PPA2: variants seen among roughly 807,000 people sequenced by gnomAD.
PPA2 encodes inorganic pyrophosphatase 2, mitochondrial.
Under a neutral mutation model 49.5 loss-of-function variants are expected in PPA2, and 48 were observed. The ratio of observed to expected loss-of-function variants is 0.97; its 90% CI spans 0.77 to 1.23. PPA2 has a LOEUF of 1.23. Among genes scored for constraint, PPA2 ranks in the 50% most tolerant of loss-of-function variants. The pLI, the probability that PPA2 is intolerant of heterozygous loss-of-function variation, is 0.00. For missense variants in PPA2, 429 were observed against 410.1 expected, an observed-to-expected ratio of 1.05 and a Z score of -0.40; for synonymous variants, 131 against 139.9, an observed-to-expected ratio of 0.94 and a Z score of 0.45.
intron 9 of PPA2, among the ~76,000 whole-genome samples, chr4:105,387,749 G>A (rs1201754846): frequency 6.7e-6 from 1 of 148,844 alleles, no homozygotes; most frequent in African/African-American, 2.4e-5. Flanking sequence ...TCCTGCACAT[G>A]TACCCCTGAA....
At chr4:105,405,716 C>T (rs1226369170) in intron 7 of PPA2, 6 of 789,934 alleles carry the variant, frequency 7.6e-6, no homozygotes, top group Non-Finnish European at 1.0e-5. Context: ...GGCTAACCTA[C>T]CTAAAATAGA....
At chr4:105,465,540 A>G (rs1723267120) in intron 1 of PPA2, among the ~76,000 whole-genome samples, 1 of 152,130 alleles carries the variant, frequency 6.6e-6, no homozygotes, top group South Asian at 2.1e-4. Flanking sequence ...GCAGAAGCAT[A>G]TCCCTAATAA....
intron 6 of PPA2, among the ~76,000 whole-genome samples, chr4:105,426,026 A>G (rs895495477): frequency 6.6e-6 from 1 of 152,128 alleles, no homozygotes; most frequent in Admixed American, 6.6e-5. Flanking sequence ...TGCAAAGGGG[A>G]AAGGGGGAAC....
intron 7 of PPA2, among the ~76,000 whole-genome samples, chr4:105,418,107 T>G (rs1723092620): frequency 6.6e-6 from 1 of 152,222 alleles, no homozygotes; most frequent in South Asian, 2.1e-4. Context: ...CATATTGCAA[T>G]TGTTTGACAA....
intron 9 of PPA2, among the ~76,000 whole-genome samples, chr4:105,391,267 A>G (rs938156339): frequency 6.6e-6 from 1 of 151,248 alleles, no homozygotes; most frequent in Admixed American, 6.6e-5. Flanking sequence ...TGATGGGTGC[A>G]GCAAACCACC....
intron 10 of PPA2, among the ~76,000 whole-genome samples, chr4:105,385,111 A>G (rs1316388755): frequency 6.6e-6 from 1 of 152,152 alleles, no homozygotes; most frequent in Admixed American, 6.5e-5. Context: ...TTCTTGGCAC[A>G]TATGTCAGCC....
chr4:105,384,225 C>T (rs1205550552), intron 10 of PPA2, among the ~76,000 whole-genome samples: 4 of 152,134 alleles, frequency 2.6e-5, no homozygotes, highest in African/African-American at 9.7e-5. Flanking sequence ...TGAAGAGGCA[C>T]TGGTTTCTCT....
chr4:105,394,557 T>C (rs1262412282), intron 9 of PPA2, among the ~76,000 whole-genome samples: 4 of 152,104 alleles, frequency 2.6e-5, no homozygotes, highest in Non-Finnish European at 4.4e-5. Flanking sequence ...ATAACATATA[T>C]AAATCACTCA....
At chr4:105,394,242 A>T (rs1734040611) in intron 9 of PPA2, among the ~76,000 whole-genome samples, 1 of 151,854 alleles carries the variant, frequency 6.6e-6, no homozygotes, top group South Asian at 2.1e-4. Flanking sequence ...TTTCAGGCTT[A>T]TGTAATCCCA....
At chr4:105,374,779 T>A (rs115986574) in intron 10 of PPA2, among the ~76,000 whole-genome samples, 223 of 152,210 alleles carry the variant, frequency 1.5e-3, no homozygotes, top group Non-Finnish European at 2.8e-3. Flanking sequence ...AAAAAATAGG[T>A]TCCCAATTTT....
intron 4 of PPA2, among the ~76,000 whole-genome samples, chr4:105,448,641 C>T (rs1156877142): frequency 6.7e-6 from 1 of 149,678 alleles, no homozygotes; most frequent in African/African-American, 2.4e-5. Context: ...ATTGAGTTAA[C>T]CAGGAAATGA....
chr4:105,382,705 A>G (rs993262558), intron 10 of PPA2, among the ~76,000 whole-genome samples: 2 of 152,136 alleles, frequency 1.3e-5, no homozygotes, highest in Non-Finnish European at 2.9e-5. Flanking sequence ...AAACTTTACA[A>G]AAAGAAATGT....
rs762509564 is a variant in PPA2 at position 105,386,628 on chromosome 4, A to G, written c.878T>C (p.Val293Ala). 1 of 1,612,226 alleles carries G rather than the reference A, an allele frequency of 6.2e-7. No homozygotes were observed. The highest frequency in any genetic ancestry group is 8.5e-7 in the Non-Finnish European group (1 of 1,178,630). Residue 293 changes from valine to alanine, a missense_variant, in exon 10 of 12, where the codon GTG (valine) becomes GCG (alanine). By Grantham distance (64) the Val-to-Ala change is moderately conservative (BLOSUM62 0). Transcript: ENST00000341695. ...CNGGAINCTN[V>A]QISDSPFRCT... ...ACGGAAAGGGCTATCAGATATCTGCACGTTTGTGCTGGAGAGGAAAAGAGA... is the reference window on the plus strand; with the variant it reads ...ACGGAAAGGGCTATCAGATATCTGCGCGTTTGTGCTGGAGAGGAAAAGAGA...
At chr4:105,456,564 C>T in intron 2 of PPA2, 117 bp downstream of exon 2, 1 of 758,120 alleles carries the variant, frequency 1.3e-6, no homozygotes, top group African/African-American at 1.8e-5. Flanking sequence ...TATAGTAACT[C>T]CTGTTTGTCC....
rs570056147 is a variant in PPA2 at position 105,408,982 on chromosome 4, T to C, written c.656-9818A>G. The stretch of plus-strand genomic sequence containing the variant: ...CTCTGGTCTGCAGCTCCCAGAGAGA[T>C]TGACGCAAAAGATGGGTGATATCTG... On this transcript the variant is annotated intron_variant, in intron 7 of 11. Coordinates refer to ENST00000341695, the MANE Select transcript of PPA2 (RefSeq NM_176869.3). Among the ~76,000 whole-genome samples, 22 of 152,286 alleles carry C rather than the reference T, an allele frequency of 1.4e-4. No homozygotes were observed. The South Asian group carries it at 1.5e-3, about 10-fold the overall frequency.
At chr4:105,455,309 T>G (rs1343222959) in intron 2 of PPA2, among the ~76,000 whole-genome samples, 1 of 152,164 alleles carries the variant, frequency 6.6e-6, no homozygotes, top group African/African-American at 2.4e-5. Flanking sequence ...GGAACACATA[T>G]ACACACGCAC....
At chr4:105,383,181 A>T (rs935309547) in intron 10 of PPA2, among the ~76,000 whole-genome samples, 1 of 152,144 alleles carries the variant, frequency 6.6e-6, no homozygotes, top group African/African-American at 2.4e-5. Context: ...GCTTTTTGTG[A>T]TCATGTATAG....
chr4:105,406,134 C>G (rs978107491), intron 7 of PPA2, among the ~76,000 whole-genome samples: 48 of 112,452 alleles, frequency 4.3e-4, no homozygotes, highest in African/African-American at 1.3e-3. Flanking sequence ...AAAAAAGAAC[C>G]AAAAGGAGGA....
chr4:105,403,710 ATAACT>A (rs1302984123), intron 7 of PPA2, among the ~76,000 whole-genome samples: 2 of 152,030 alleles, frequency 1.3e-5, no homozygotes, highest in Non-Finnish European at 1.5e-5. Flanking sequence ...AAAACCTATA[ATAACT>A]TAATGAAAAC....
Sources: allele counts gnomAD v4.1 joint callset (sites outside exome capture counted in the v4.1 genomes callset), GRCh38; gene constraint gnomAD v4.1.1; transcripts MANE v1.5; gene names NCBI Gene and HGNC (gene_info 2026-07-23, HGNC 2026-07-21).